Variants in SLC15A2 observed in about 807,000 individuals in gnomAD.
SLC15A2 encodes kidney H(+)/peptide cotransporter.
A neutral mutation model predicts 95.5 loss-of-function variants in SLC15A2; 77 were observed. The ratio of observed to expected loss-of-function variants is 0.81; its 90% CI spans 0.67 to 0.97. SLC15A2 has a LOEUF of 0.97. Among genes scored for constraint, SLC15A2 ranks in the 50% least tolerant of loss-of-function variants. The pLI is 0.00. For missense variants in SLC15A2, 893 were observed against 874.4 expected (o/e 1.02, Z -0.27); for synonymous variants, 306 against 306.9 (o/e 1.00, Z 0.03).
chr3:121,931,571 T>C, intron 18 of SLC15A2, 68 bp from the exon 19 acceptor site: 1 of 959,952 alleles, frequency 1.0e-6, no homozygotes, highest in Non-Finnish European at 1.7e-6. Flanking sequence ...GAGATCACTT[T>C]CACCTGGAGA....
At chr3:121,935,129 G>A (rs1710312699) in intron 19 of SLC15A2, among the ~76,000 whole-genome samples, 1 of 152,174 alleles carries the variant, frequency 6.6e-6, no homozygotes, top group Non-Finnish European at 1.5e-5. Context: ...TGATCATGGT[G>A]GATAAGCTTT....
At position 121,897,419 on chromosome 3, in the gene SLC15A2, G is replaced by A; in HGVS notation, c.225G>A (p.Leu75=). ...AVLILYFLYF[L]HWNEDTSTSI... ...TGATCCTGTATTTCCTGTATTTCCT[G>A]CACTGGAATGAAGATACCTCCACAT... The change falls in exon 3 of 22, where the codon CTG becomes CTA. Residue 75 remains leucine (L), a synonymous_variant. Transcript: ENST00000489711. 2 of 1,613,458 alleles carry A rather than the reference G, an allele frequency of 1.2e-6. No homozygotes were observed. The highest frequency in any genetic ancestry group is 1.7e-6 in the Non-Finnish European group (2 of 1,179,818).
At chr3:121,901,808 C>T (rs1235910944) in intron 3 of SLC15A2, among the ~76,000 whole-genome samples, 3 of 150,822 alleles carry the variant, frequency 2.0e-5, no homozygotes, top group Non-Finnish European at 4.4e-5. Context: ...TTAAGTTCTT[C>T]CCCACCTCTC....
intron 19 of SLC15A2, among the ~76,000 whole-genome samples, chr3:121,935,605 G>C (rs921165970): frequency 6.6e-5 from 10 of 152,024 alleles, no homozygotes; most frequent in Admixed American, 6.5e-4. Flanking sequence ...GGGATTGGTG[G>C]TGATATCTCC....
chr3:121,932,184 G>A (rs745576266), intron 19 of SLC15A2, among the ~76,000 whole-genome samples: 42 of 152,124 alleles, frequency 2.8e-4, no homozygotes, highest in Non-Finnish European at 5.0e-4. Context: ...GATTACAAGC[G>A]TGAGTCACCG....
In SLC15A2 at chr3:121,930,901, G is replaced by A. The variant is rs1710220078; in HGVS notation, c.1615G>A (p.Val539Ile). Residue 539 changes from valine (V) to isoleucine (I), a missense_variant, in exon 18 of 22, where the codon GTT (valine) becomes ATT (isoleucine). Transcript: ENST00000489711. ...ISLSTDTSLN[V>I]GEDYGVSAYR... ...CCTGAGTACAGATACCTCTCTCAAT[G>A]TTGGTGAAGACTATGGTGTGTCTGC... The A allele has an allele frequency of 1.2e-6, 2 of 1,613,572 alleles. No individual in the cohort carries two copies. The highest frequency in any genetic ancestry group is 2.7e-5 in the African/African-American group (2 of 74,910).
chr3:121,936,407 T>A (rs1322064248), intron 19 of SLC15A2, among the ~76,000 whole-genome samples: 1 of 152,196 alleles, frequency 6.6e-6, no homozygotes, highest in Non-Finnish European at 1.5e-5. Flanking sequence ...TCTCAGTCTC[T>A]TTGTGGGTCA....
At chr3:121,925,111 G>A (rs1710088903) in intron 13 of SLC15A2, 78 bp downstream of exon 13, 10 of 1,011,342 alleles carry the variant, frequency 9.9e-6, no homozygotes, top group Non-Finnish European at 1.4e-5. Flanking sequence ...TTCAATGTCA[G>A]TATTTTTCTT....
rs753404338 is a variant in SLC15A2 at position 121,894,587 on chromosome 3, T to A, written c.105+6T>A. The A allele has an allele frequency of 4.4e-6, 7 of 1,607,560 alleles. No individual in the cohort carries two copies. The South Asian group carries it at 6.6e-5, about 15-fold the overall frequency. On this transcript the variant is annotated splice_donor_region_variant and intron_variant, in intron 1 of 21. Coordinates refer to ENST00000489711, the MANE Select transcript of SLC15A2 (RefSeq NM_021082.4). ...CTCCAAAGAAGCCATCTCCGGTGAGTCCTTAGATTCAATCCTGCCTCTGAG... is the reference window on the plus strand; with the variant it reads ...CTCCAAAGAAGCCATCTCCGGTGAGACCTTAGATTCAATCCTGCCTCTGAG...
In SLC15A2 at chr3:121,894,489, C is replaced by G; in HGVS notation, c.13C>G (p.Gln5Glu). ...TAAGGAGCCAGCCATGAATCCTTTC[C>G]AGAAAAATGAGTCCAAGGAAACTCT... MNPF[Q>E]KNESKETLFS... is the part of the protein sequence containing the mutation. The change falls in exon 1 of 22, where the codon CAG becomes GAG. Residue 5 changes from glutamine (Q) to glutamate (E), a missense_variant. Coordinates refer to ENST00000489711, the MANE Select transcript of SLC15A2 (RefSeq NM_021082.4). The G allele has an allele frequency of 6.2e-7, 1 of 1,612,794 alleles. No homozygotes were observed. The highest frequency in any genetic ancestry group is 8.5e-7 in the Non-Finnish European group (1 of 1,179,320).
intron 3 of SLC15A2, among the ~76,000 whole-genome samples, chr3:121,900,379 T>C (rs1709498380): frequency 6.6e-6 from 1 of 152,196 alleles, no homozygotes; most frequent in South Asian, 2.1e-4. Context: ...TAAATTGAGA[T>C]ATTAAAATGG....
rs114412104 is a variant in SLC15A2 at position 121,920,204 on chromosome 3, T to C, written c.698-2016T>C. Among the ~76,000 whole-genome samples the C allele has an allele frequency of 4.5e-3, 679 of 152,378 alleles. 4 individuals are homozygous for C. The highest frequency in any genetic ancestry group is 7.6e-3 in the Non-Finnish European group (519 of 68,036). The stretch of plus-strand genomic sequence containing the variant: ...TATTGCAACCAGCATTCCTGTGGTG[T>C]CCAGCCTCTTTCTAGGATCATTCTT... On this transcript the variant is annotated intron_variant, in intron 7 of 21. Coordinates refer to ENST00000489711, the MANE Select transcript of SLC15A2 (RefSeq NM_021082.4).
Position 121,941,122 on chromosome 3 carries a change from C to G in SLC15A2, c.*115C>G. 1.1e-6 allele frequency: 1 copy of G among 916,088 alleles called. No individual in the cohort carries two copies. The highest frequency in any genetic ancestry group is 2.0e-5 in the South Asian group (1 of 50,420). The allele number at this position is 916,088 out of a possible 1,614,324, so 56.7% of individuals were successfully genotyped here. On this transcript the variant is annotated 3_prime_UTR_variant, in exon 22 of 22. Transcript: ENST00000489711. ...GCATATCAGAGCTGATCTCCTCCAC[C>G]TTTCTCCAATGACAGAAGTTCCAGG...
chr3:121,896,901 CAAA>C lies in SLC15A2; in HGVS notation c.193+424_193+426del, dbSNP rs71133581. 7.8e-3 allele frequency among the ~76,000 whole-genome samples: 688 copies of C among 88,150 alleles called. 1 individual carries two copies. The highest frequency in any genetic ancestry group is 0.012 in the Non-Finnish European group (548 of 45,936). 57.8% of individuals were successfully genotyped at this position (88,150 alleles called of 152,430 possible). ...GGGCAACATAGCAAGAACTCATCTC[CAAA>C]AAAAAAAAAAAAAAAGGGGGGGGAG... On this transcript the variant is annotated intron_variant, in intron 2 of 21. Coordinates refer to ENST00000489711, the MANE Select transcript of SLC15A2 (RefSeq NM_021082.4).
In SLC15A2 at chr3:121,940,951, A is replaced by G; in HGVS notation, c.2134A>G (p.Ile712Val). The G allele has an allele frequency of 6.2e-7, 1 of 1,614,144 alleles. No individual in the cohort carries two copies. The highest frequency in any genetic ancestry group is 8.5e-7 in the Non-Finnish European group (1 of 1,180,008). Residue 712 changes from isoleucine (I) to valine (V), a missense_variant, in exon 22 of 22, where the codon ATT becomes GTT. Ile to Val is a conservative substitution (Grantham distance 29). Transcript: ENST00000489711. Reference protein sequence around the residue: ...EDMRGPADKHIPHIQGNMIKL... With the variant: ...EDMRGPADKHVPHIQGNMIKL... ...TATGCGGGGTCCAGCAGATAAGCACATTCCTCACATCCAGGGGAACATGAT... is the reference window on the plus strand; with the variant it reads ...TATGCGGGGTCCAGCAGATAAGCACGTTCCTCACATCCAGGGGAACATGAT...
chr3:121,926,267 G>C (rs947940765), intron 13 of SLC15A2, among the ~76,000 whole-genome samples: 4 of 152,136 alleles, frequency 2.6e-5, no homozygotes, highest in Admixed American at 2.6e-4. Context: ...GTTGGAGGTG[G>C]GGTCTGGTGG....
At chr3:121,907,015 A>C (rs537214216) in intron 3 of SLC15A2, among the ~76,000 whole-genome samples, 1 of 152,252 alleles carries the variant, frequency 6.6e-6, no homozygotes, top group Admixed American at 6.5e-5. Context: ...GTCTTTTTAC[A>C]TAGTCCTATA....
chr3:121,923,198 C>G, intron 10 of SLC15A2, 24 bp from the exon 11 acceptor site: 1 of 1,613,922 alleles, frequency 6.2e-7, no homozygotes, highest in Non-Finnish European at 8.5e-7. Context: ...AGGGATTTCT[C>G]ATAACAGGAT....
intron 11 of SLC15A2, 23 bp from the exon 12 acceptor site, chr3:121,924,328 A>G: frequency 6.2e-7 from 1 of 1,610,494 alleles, no homozygotes; most frequent in Admixed American, 1.7e-5. Flanking sequence ...CATCAACTAA[A>G]TTAATTTGTT....
Sources: gnomAD v4.1 joint callset for allele counts (sites outside exome capture counted in the v4.1 genomes callset) on GRCh38, gnomAD v4.1.1 for gene constraint, MANE v1.5 for transcripts, NCBI Gene and HGNC (gene_info 2026-07-23, HGNC 2026-07-21) for gene names.